PPP1R12A: variants seen among roughly 807,000 people sequenced by gnomAD.
The protein encoded by PPP1R12A is protein phosphatase 1 regulatory subunit 12A.
In PPP1R12A, 19 loss-of-function variants were observed where a neutral mutation model predicts 139.6. The ratio of observed to expected loss-of-function variants is 0.14; its 90% CI spans 0.09 to 0.20. PPP1R12A has a LOEUF of 0.20. Among genes scored for constraint, PPP1R12A ranks in the 10% least tolerant of loss-of-function variants. PPP1R12A has a pLI of 1.00. For missense variants in PPP1R12A, 925 were observed against 1,211.5 expected (o/e 0.76, Z 3.51); for synonymous variants, 427 against 420.6 (o/e 1.02, Z -0.19).
intron 23 of PPP1R12A, 109 bp downstream of exon 23, chr12:79,781,706 A>C (rs1240173170): frequency 1.1e-5 from 6 of 568,242 alleles, no homozygotes. Context: ...TAAATATTTA[A>C]ACTAATTAAA....
intron 2 of PPP1R12A, among the ~76,000 whole-genome samples, chr12:79,848,173 G>A (rs1361192846): frequency 1.3e-5 from 2 of 152,134 alleles, no homozygotes; most frequent in African/African-American, 4.8e-5. Flanking sequence ...ACAAACAGAA[G>A]TTAGACTTGA....
intron 22 of PPP1R12A, chr12:79,782,200 C>T (rs1242345246): frequency 5.7e-6 from 1 of 176,446 alleles, no homozygotes; most frequent in African/African-American, 2.4e-5. Flanking sequence ...TCTTTCCTTT[C>T]CTACACCATC....
chr12:79,797,061 T>G (rs529598547), intron 16 of PPP1R12A, 111 bp from the exon 17 acceptor site: 16 of 1,368,146 alleles, frequency 1.2e-5, no homozygotes, highest in Middle Eastern at 1.9e-4. Flanking sequence ...CACGCCAAAG[T>G]AATTCAAATT....
chr12:79,921,554 T>C (rs1223533386), intron 1 of PPP1R12A, among the ~76,000 whole-genome samples: 1 of 152,186 alleles, frequency 6.6e-6, no homozygotes, highest in African/African-American at 2.4e-5. Context: ...GCCCGCCTAA[T>C]AAAGCCTTTA....
intron 4 of PPP1R12A, among the ~76,000 whole-genome samples, chr12:79,831,359 G>A (rs760330226): frequency 1.3e-5 from 2 of 152,140 alleles, no homozygotes; most frequent in Non-Finnish European, 1.5e-5. Context: ...GAGGCAGGCA[G>A]ATCACTTGAG....
chr12:79,923,277 AAAAT>A (rs948797592), intron 1 of PPP1R12A, among the ~76,000 whole-genome samples: 8 of 152,310 alleles, frequency 5.3e-5, no homozygotes, highest in South Asian at 2.1e-4. Context: ...TCGTCTCAAA[AAAAT>A]AAATAAATAA....
intron 2 of PPP1R12A, among the ~76,000 whole-genome samples, chr12:79,857,715 G>A (rs911635527): frequency 6.6e-6 from 1 of 152,074 alleles, no homozygotes; most frequent in Non-Finnish European, 1.5e-5. Flanking sequence ...AGTCTACCAA[G>A]TATTAGAGTT....
At chr12:79,932,186 T>C (rs1888302241) in intron 1 of PPP1R12A, among the ~76,000 whole-genome samples, 1 of 152,206 alleles carries the variant, frequency 6.6e-6, no homozygotes, top group Admixed American at 6.5e-5. Context: ...TAAAGAACTA[T>C]TCAAGGACTA....
chr12:79,917,259 G>T (rs1887068660), intron 1 of PPP1R12A, among the ~76,000 whole-genome samples: 1 of 152,116 alleles, frequency 6.6e-6, no homozygotes, highest in African/African-American at 2.4e-5. Context: ...GGCCGAGGCG[G>T]GTGGATCACG....
chr12:79,855,400 T>C (rs1880528667), intron 2 of PPP1R12A, among the ~76,000 whole-genome samples: 1 of 152,168 alleles, frequency 6.6e-6, no homozygotes, highest in South Asian at 2.1e-4. Flanking sequence ...CAAAGAAAAT[T>C]TCATGTCTTT....
chr12:79,928,679 T>C (rs1238760628), intron 1 of PPP1R12A, among the ~76,000 whole-genome samples: 1 of 152,240 alleles, frequency 6.6e-6, no homozygotes, highest in Non-Finnish European at 1.5e-5. Flanking sequence ...AGTTACAAAC[T>C]ATAAACTCTT....
intron 1 of PPP1R12A, among the ~76,000 whole-genome samples, chr12:79,896,499 T>C (rs1885144943): frequency 6.6e-6 from 1 of 151,852 alleles, no homozygotes; most frequent in African/African-American, 2.4e-5. Flanking sequence ...TCCCAGCTGA[T>C]TTTTGTATTT....
Position 79,796,861 on chromosome 12 carries a change from T to G in PPP1R12A, c.2382A>C (p.Ser794=), listed in dbSNP as rs1194812189. Residue 794 remains serine (S), a synonymous_variant, in exon 17 of 25, where the codon TCA becomes TCC. Transcript: ENST00000450142. ...LSTMSSSLYA[S]SQLNRPNSLV... is the part of the protein sequence containing the mutation. Reference sequence around the variant, plus strand: ...GACTATTTGGCCTGTTTAGTTGACTTGAAGCATACAGTGAACTGCTCATAG... The same window carrying G: ...GACTATTTGGCCTGTTTAGTTGACTGGAAGCATACAGTGAACTGCTCATAG... The G allele has an allele frequency of 1.9e-6, 3 of 1,611,238 alleles. No homozygotes were observed. The highest frequency in any genetic ancestry group is 2.5e-6 in the Non-Finnish European group (3 of 1,177,576).
chr12:79,843,662 AT>A (rs1879044003), intron 3 of PPP1R12A, among the ~76,000 whole-genome samples: 1 of 135,974 alleles, frequency 7.4e-6, no homozygotes, highest in Non-Finnish European at 1.5e-5. Context: ...AGATATAGAT[AT>A]AGATATAGAT....
Position 79,793,920 on chromosome 12 carries a change from T to G in PPP1R12A, c.2592A>C (p.Glu864Asp). 6.3e-7 allele frequency: 1 copy of G among 1,589,592 alleles called. No individual in the cohort carries two copies. Among genetic ancestry groups the G allele is most frequent in the South Asian group, 1.2e-5 (1 of 86,150 alleles). ...GVSFWTQDSD[E>D]NEQEQQSDTE... Reference sequence around the variant, plus strand: ...TGTCTGATTGTTGTTCTTGTTCATTTTCATCACTCTAAAAACAGATTGCCA... The same window carrying G: ...TGTCTGATTGTTGTTCTTGTTCATTGTCATCACTCTAAAAACAGATTGCCA... The change falls in exon 19 of 25, where the codon GAA becomes GAC. Residue 864 changes from glutamate to aspartate, a missense_variant. This residue lies in a region of PPP1R12A where 315 missense variants were observed against 363.4 expected (regional missense o/e 0.87). Transcript: ENST00000450142.
Position 79,817,425 on chromosome 12 carries a change from C to T in PPP1R12A, c.1208G>A (p.Gly403Asp). 1 of 1,612,018 alleles carries T rather than the reference C, an allele frequency of 6.2e-7. No individual in the cohort carries two copies. Among genetic ancestry groups the T allele is most frequent in the South Asian group, 1.1e-5 (1 of 90,756 alleles). Residue 403 changes from glycine to aspartate, a missense_variant, in exon 9 of 25, where the codon GGT becomes GAT. By Grantham distance (94) the Gly-to-Asp change is moderately conservative. Around this residue, in one of 4 missense-constraint regions of PPP1R12A, gnomAD observed 403 missense variants for 463.7 expected, o/e 0.87. Coordinates refer to ENST00000450142, the MANE Select transcript of PPP1R12A (RefSeq NM_002480.3). ...VAVTTPTVSS[G>D]QATPTSPIKK... ...AATAGGTGATGTAGGTGTTGCTTGACCTGATGACACAGTAGGTGTTGTAAC... is the reference window on the plus strand; with the variant it reads ...AATAGGTGATGTAGGTGTTGCTTGATCTGATGACACAGTAGGTGTTGTAAC...
intron 1 of PPP1R12A, among the ~76,000 whole-genome samples, chr12:79,900,494 C>T (rs1885537636): frequency 6.6e-6 from 1 of 152,152 alleles, no homozygotes; most frequent in African/African-American, 2.4e-5. Context: ...CGTAAATGTG[C>T]CTTTGAAACA....
chr12:79,917,151 A>C (rs1359111334), intron 1 of PPP1R12A, among the ~76,000 whole-genome samples: 1 of 152,214 alleles, frequency 6.6e-6, no homozygotes, highest in Non-Finnish European at 1.5e-5. Context: ...TCTAAATGTC[A>C]AGGATGGGTT....
chr12:79,828,481 G>A lies in PPP1R12A; in HGVS notation c.648-17C>T. 1 of 1,524,614 alleles carries A rather than the reference G, an allele frequency of 6.6e-7. No homozygotes were observed. Among genetic ancestry groups the A allele is most frequent in the Non-Finnish European group, 8.9e-7 (1 of 1,118,790 alleles). The allele number at this position is 1,524,614 out of a possible 1,614,324, so 94.4% of individuals were successfully genotyped here. On this transcript the variant is annotated splice_polypyrimidine_tract_variant and intron_variant, in intron 4 of 24. Transcript: ENST00000450142. ...ATTAAAAGTCTAAAGAAATTACAGT[G>A]AATTAGACAATCATTAAAATCTAGA...
Sources: allele counts gnomAD v4.1 joint callset (sites outside exome capture counted in the v4.1 genomes callset), GRCh38; gene constraint gnomAD v4.1.1; regional missense constraint gnomAD v4.1.1; transcripts MANE v1.5; gene names NCBI Gene and HGNC (gene_info 2026-07-23, HGNC 2026-07-21).